The following SNTB1 variants were observed in gnomAD, a reference collection of about 807,000 sequenced individuals.
SNTB1 encodes the protein syntrophin beta 1.
SNTB1 carries 36 observed loss-of-function variants against 48.9 expected under a neutral mutation model. That is an observed-to-expected ratio of 0.74 (90% CI 0.56 to 0.97). SNTB1 has a LOEUF of 0.97. Among genes scored for constraint, SNTB1 ranks in the 50% least tolerant of loss-of-function variants. The pLI, the probability that SNTB1 is intolerant of heterozygous loss-of-function variation, is 0.00. For missense variants in SNTB1, 786 were observed against 703.4 expected, an observed-to-expected ratio of 1.12 and a Z score of -1.33; for synonymous variants, 299 against 294.6, an observed-to-expected ratio of 1.01 and a Z score of -0.15.
chr8:120,658,688 T>C (rs1817536581), intron 2 of SNTB1, among the ~76,000 whole-genome samples: 1 of 152,206 alleles, frequency 6.6e-6, no homozygotes, highest in Non-Finnish European at 1.5e-5. Context: ...TTGAGCGAGT[T>C]GTAATCTTTT....
intron 1 of SNTB1, among the ~76,000 whole-genome samples, chr8:120,707,211 C>T (rs1470228633): frequency 2.0e-5 from 3 of 152,124 alleles, no homozygotes; most frequent in Non-Finnish European, 4.4e-5. Context: ...ACTTCCATGA[C>T]CCAGAGAGTG....
chr8:120,736,120 G>A (rs1056932493), intron 1 of SNTB1, among the ~76,000 whole-genome samples: 1 of 152,116 alleles, frequency 6.6e-6, no homozygotes, highest in Non-Finnish European at 1.5e-5. Flanking sequence ...GAGAAGTGCC[G>A]AGTGACAGTG....
intron 1 of SNTB1, among the ~76,000 whole-genome samples, chr8:120,736,002 G>T (rs547356619): frequency 6.6e-6 from 1 of 152,118 alleles, no homozygotes; most frequent in Non-Finnish European, 1.5e-5. Context: ...AAGGAAAGAG[G>T]TTTAATTGAC....
chr8:120,776,423 A>G (rs1484348232), intron 1 of SNTB1: 2 of 152,226 alleles, frequency 1.3e-5, no homozygotes, highest in South Asian at 2.1e-4. Flanking sequence ...TGACTCCTAC[A>G]GAGTAATGAG....
intron 3 of SNTB1, among the ~76,000 whole-genome samples, chr8:120,610,712 G>A (rs554529604): frequency 1.3e-5 from 2 of 152,120 alleles, no homozygotes; most frequent in Admixed American, 6.5e-5. Flanking sequence ...GCCTACTTCC[G>A]GGATCTCGCA....
intron 2 of SNTB1, among the ~76,000 whole-genome samples, chr8:120,688,236 G>A (rs1017105460): frequency 1.3e-5 from 2 of 152,184 alleles, no homozygotes. Flanking sequence ...ACTACCCATT[G>A]TAGCACAGCT....
chr8:120,629,098 CT>C (rs1816936978), intron 3 of SNTB1, among the ~76,000 whole-genome samples: 1 of 152,212 alleles, frequency 6.6e-6, no homozygotes, highest in Non-Finnish European at 1.5e-5. Context: ...TGGTCTTCCC[CT>C]GACTCCCCCA....
rs55727749 is a variant in SNTB1 at position 120,542,966 on chromosome 8, C to G, written c.1334-966G>C. 4.8e-3 allele frequency among the ~76,000 whole-genome samples: 727 copies of G among 152,224 alleles called. 8 individuals carry two copies. Among genetic ancestry groups the G allele is most frequent in the Middle Eastern group, 0.01 (3 of 294 alleles). On this transcript the variant is annotated intron_variant, in intron 5 of 6. Transcript: ENST00000517992. ...TGACAGACCTCAGATGTGGCATCTT[C>G]CATGAGGAGCACCCTGAGTGCGGCA... is the stretch of plus-strand genomic sequence containing the variant.
chr8:120,599,981 C>G (rs1422343242), intron 3 of SNTB1, among the ~76,000 whole-genome samples: 1 of 152,126 alleles, frequency 6.6e-6, no homozygotes, highest in South Asian at 2.1e-4. Context: ...TGTTAAAAAC[C>G]AGAAAATGCC....
chr8:120,564,168 TCCA>T (rs1038375792), intron 4 of SNTB1, among the ~76,000 whole-genome samples: 1 of 152,130 alleles, frequency 6.6e-6, no homozygotes, highest in Non-Finnish European at 1.5e-5. Flanking sequence ...TGTGCCTCTT[TCCA>T]CCCAATTCAT....
At chr8:120,630,776 G>A (rs1264733029) in intron 3 of SNTB1, among the ~76,000 whole-genome samples, 1 of 152,146 alleles carries the variant, frequency 6.6e-6, no homozygotes, top group African/African-American at 2.4e-5. Context: ...TCAGCACTAA[G>A]ACTGAACGGA....
chr8:120,687,196 T>G (rs4870746), intron 2 of SNTB1, among the ~76,000 whole-genome samples: 17,957 of 152,206 alleles, frequency 0.12, 2,250 homozygotes, highest in African/African-American at 0.31. Flanking sequence ...ATTCCTCCCT[T>G]GTTTGTAGCC....
chr8:120,574,220 G>A (rs543459632), intron 4 of SNTB1, among the ~76,000 whole-genome samples: 11 of 152,270 alleles, frequency 7.2e-5, no homozygotes, highest in African/African-American at 2.2e-4. Flanking sequence ...GAGGGAAATG[G>A]GGATGTGTTG....
chr8:120,587,972 T>G (rs1256643039), intron 3 of SNTB1, among the ~76,000 whole-genome samples: 1 of 152,164 alleles, frequency 6.6e-6, no homozygotes, highest in African/African-American at 2.4e-5. Flanking sequence ...AGATGCCCTT[T>G]AAAGGGATGC....
intron 3 of SNTB1, among the ~76,000 whole-genome samples, chr8:120,606,973 T>C (rs13271651): frequency 0.46 from 70,182 of 151,924 alleles, 18,769 homozygotes; most frequent in Non-Finnish European, 0.63. Flanking sequence ...AAATATTAGA[T>C]GAGAGGGGTA....
chr8:120,619,803 A>AT lies in SNTB1; in HGVS notation c.996+12640dup, dbSNP rs372925928. 6.4e-3 allele frequency among the ~76,000 whole-genome samples: 977 copies of AT among 152,264 alleles called. 4 individuals carry two copies. The highest frequency in any genetic ancestry group is 0.048 in the Middle Eastern group (14 of 294). On this transcript the variant is annotated intron_variant, in intron 3 of 6. Transcript: ENST00000517992. ...ACACTCAGACCTGGAGGAGGCCCAGATAACCCCCTCTCTAGGCATGTCAGC... is the reference window on the plus strand; with the variant it reads ...ACACTCAGACCTGGAGGAGGCCCAGATTAACCCCCTCTCTAGGCATGTCAGC...
At chr8:120,709,279 C>A (rs1818424954) in intron 1 of SNTB1, among the ~76,000 whole-genome samples, 1 of 152,132 alleles carries the variant, frequency 6.6e-6, no homozygotes, top group Non-Finnish European at 1.5e-5. Flanking sequence ...ATCAGGGAAA[C>A]TACCTTGGTT....
intron 4 of SNTB1, among the ~76,000 whole-genome samples, chr8:120,569,556 T>G (rs1815808928): frequency 6.6e-6 from 1 of 152,198 alleles, no homozygotes; most frequent in Admixed American, 6.5e-5. Flanking sequence ...TGCAGAAGCC[T>G]GAAGAGCCTG....
At chr8:120,767,403 T>C (rs1377343686) in intron 1 of SNTB1, among the ~76,000 whole-genome samples, 2 of 152,204 alleles carry the variant, frequency 1.3e-5, no homozygotes, top group Non-Finnish European at 2.9e-5. Context: ...CAACAGTGTA[T>C]ATAAAGTGTT....
Sources: gnomAD v4.1 joint callset for allele counts (sites outside exome capture counted in the v4.1 genomes callset) on GRCh38, gnomAD v4.1.1 for gene constraint, MANE v1.5 for transcripts, NCBI Gene and HGNC (gene_info 2026-07-23, HGNC 2026-07-21) for gene names.